Variants in WWOX observed in about 807,000 individuals in gnomAD.
WWOX encodes WW domain containing oxidoreductase.
Under a neutral mutation model 46.2 loss-of-function variants are expected in WWOX, and 69 were observed. That is an observed-to-expected ratio of 1.49 (90% confidence interval 1.23 to 1.82). The LOEUF (loss-of-function observed/expected upper bound fraction) is 1.82. WWOX is among the 40% of genes most tolerant of loss of function. The pLI, the probability that WWOX is intolerant of heterozygous loss-of-function variation, is 0.00. For synonymous variants in WWOX, 359 were observed against 202.6 expected (o/e 1.77, Z -6.56); for missense variants, 919 against 542.6 (o/e 1.69, Z -6.89).
In WWOX at chr16:78,385,336, C is replaced by T. The variant is rs566123884; in HGVS notation, c.517-1524C>T. Among the ~76,000 whole-genome samples, 11 of 152,222 alleles carry T rather than the reference C, an allele frequency of 7.2e-5. No homozygotes were observed. The South Asian group carries it at 2.3e-3, about 32-fold the overall frequency. On this transcript the variant is annotated intron_variant, in intron 5 of 8. Transcript: ENST00000566780. Reference sequence around the variant, plus strand: ...CATTTATTGCCAAGTGGCATCGGGACAAGAGTTTTACACAAGAAACATCTT... The same window carrying T: ...CATTTATTGCCAAGTGGCATCGGGATAAGAGTTTTACACAAGAAACATCTT...
In WWOX at chr16:78,441,492, A is replaced by G. The variant is rs560836420; in HGVS notation, c.1056+8740A>G. ...GCTGAGAGTCACACAGCAAGCCCCC[A>G]AGGTCCCCCAGGCTCATGGTCAAAT... On this transcript the variant is annotated intron_variant, in intron 8 of 8. Coordinates refer to ENST00000566780, the MANE Select transcript of WWOX (RefSeq NM_016373.4). Among the ~76,000 whole-genome samples the G allele has an allele frequency of 6.6e-5, 10 of 152,238 alleles. No homozygotes were observed. The East Asian group carries it at 1.9e-3, about 30-fold the overall frequency.
chr16:78,985,815 A>G (rs76567632), intron 8 of WWOX, among the ~76,000 whole-genome samples: 1,950 of 152,320 alleles, frequency 0.013, 39 homozygotes, highest in African/African-American at 0.044. Context: ...GGATCCTCAC[A>G]TTGCAATGCT....
intron 8 of WWOX, among the ~76,000 whole-genome samples, chr16:79,095,723 G>T (rs1422954175): frequency 6.6e-6 from 1 of 152,018 alleles, no homozygotes. Context: ...TCTTCTCAAC[G>T]GAGTTTACAT....
intron 8 of WWOX, among the ~76,000 whole-genome samples, chr16:78,843,780 A>G (rs2052224472): frequency 6.6e-6 from 1 of 152,184 alleles, no homozygotes; most frequent in Non-Finnish European, 1.5e-5. Context: ...GCCAAAAGCA[A>G]TTTATTATGT....
chr16:78,870,327 A>G (rs557858795), intron 8 of WWOX, among the ~76,000 whole-genome samples: 45 of 152,330 alleles, frequency 3.0e-4, no homozygotes, highest in African/African-American at 7.9e-4. Context: ...TCTAAGAATC[A>G]TAAGTTTTTC....
intron 8 of WWOX, among the ~76,000 whole-genome samples, chr16:79,038,184 T>G (rs993282351): frequency 3.9e-5 from 6 of 152,178 alleles, no homozygotes; most frequent in Non-Finnish European, 7.3e-5. Flanking sequence ...ACTTTTTTTT[T>G]GTCAGCTCAC....
At chr16:78,694,327 G>A (rs1216626836) in intron 8 of WWOX, among the ~76,000 whole-genome samples, 6 of 152,184 alleles carry the variant, frequency 3.9e-5, no homozygotes, top group Admixed American at 3.3e-4. Flanking sequence ...TACAAGCTGC[G>A]ACCATGGTCT....
intron 8 of WWOX, among the ~76,000 whole-genome samples, chr16:78,917,220 G>A (rs574049366): frequency 2.8e-4 from 42 of 152,204 alleles, no homozygotes; most frequent in Non-Finnish European, 8.8e-5. Context: ...CTACCTTACA[G>A]CTGTTACTGC....
intron 8 of WWOX, among the ~76,000 whole-genome samples, chr16:78,769,383 C>A (rs1239839194): frequency 2.0e-5 from 3 of 152,116 alleles, no homozygotes; most frequent in African/African-American, 7.2e-5. Context: ...CTCCTTCCTT[C>A]CTATCCAGTG....
At chr16:78,442,464 G>A (rs1343630220) in intron 8 of WWOX, among the ~76,000 whole-genome samples, 3 of 151,786 alleles carry the variant, frequency 2.0e-5, no homozygotes, top group African/African-American at 7.3e-5. Flanking sequence ...CCCACTACCA[G>A]CCCCTCCTGG....
intron 8 of WWOX, among the ~76,000 whole-genome samples, chr16:79,015,636 T>A (rs1226720375): frequency 6.6e-6 from 1 of 152,248 alleles, no homozygotes; most frequent in Non-Finnish European, 1.5e-5. Flanking sequence ...AGCACACCAC[T>A]GTGGGATTAG....
At chr16:78,412,359 A>G (rs547723541) in intron 6 of WWOX, among the ~76,000 whole-genome samples, 2 of 152,342 alleles carry the variant, frequency 1.3e-5, no homozygotes, top group South Asian at 4.1e-4. Flanking sequence ...GAAGGTATCC[A>G]GGAAGATAAG....
intron 7 of WWOX, 133 bp from the exon 8 acceptor site, chr16:78,432,355 C>T: frequency 8.1e-7 from 1 of 1,239,554 alleles, no homozygotes; most frequent in Non-Finnish European, 1.1e-6. Context: ...ATCCACTCGT[C>T]TAAGACTCCC....
At chr16:78,498,672 C>T (rs368050255) in intron 8 of WWOX, among the ~76,000 whole-genome samples, 11 of 152,174 alleles carry the variant, frequency 7.2e-5, no homozygotes, top group African/African-American at 2.7e-4. Context: ...GCGGCATTTA[C>T]TTAGGCCGAT....
At chr16:78,521,496 C>T (rs1490229113) in intron 8 of WWOX, among the ~76,000 whole-genome samples, 1 of 152,164 alleles carries the variant, frequency 6.6e-6, no homozygotes, top group African/African-American at 2.4e-5. Flanking sequence ...TACCTGCCAC[C>T]TGTGTGAAGC....
rs137905213 is a variant in WWOX, at chr16:78,752,660, C to T, written c.1056+319908C>T. On this transcript the variant is annotated intron_variant, in intron 8 of 8. Transcript: ENST00000566780. ...TCATGATAAAATTCTTTAAGATAAA[C>T]ATTTGTCTTCTGTTTTCCCCTGAGA... Among the ~76,000 whole-genome samples, 1,398 of 152,296 alleles carry T rather than the reference C, an allele frequency of 9.2e-3. 10 individuals are homozygous for T. Among genetic ancestry groups the T allele is most frequent in the Middle Eastern group, 0.017 (5 of 294 alleles).
At chr16:78,821,465 C>A (rs770841149) in intron 8 of WWOX, among the ~76,000 whole-genome samples, 1 of 152,164 alleles carries the variant, frequency 6.6e-6, no homozygotes, top group Non-Finnish European at 1.5e-5. Context: ...TTCAGGATTG[C>A]AAAATATTGT....
intron 8 of WWOX, among the ~76,000 whole-genome samples, chr16:78,465,088 A>G (rs2084043173): frequency 6.6e-6 from 1 of 152,174 alleles, no homozygotes; most frequent in Non-Finnish European, 1.5e-5. Context: ...TATCAAGGGA[A>G]CAGCACAGGC....
At chr16:78,245,003 CATTTTGTTTT>C (rs2037772329) in intron 5 of WWOX, among the ~76,000 whole-genome samples, 1 of 152,086 alleles carries the variant, frequency 6.6e-6, no homozygotes, top group Non-Finnish European at 1.5e-5. Flanking sequence ...ATGCCCAGGC[CATTTTGTTTT>C]ATTTTGTTTT....
Sources: allele counts gnomAD v4.1 joint callset (sites outside exome capture counted in the v4.1 genomes callset), GRCh38; gene constraint gnomAD v4.1.1; transcripts MANE v1.5; gene names NCBI Gene and HGNC (gene_info 2026-07-23, HGNC 2026-07-21).